Variants in XPO4 observed in about 807,000 individuals in gnomAD.
The protein encoded by XPO4 is exportin 4.
In XPO4, 39 loss-of-function variants were observed where a neutral mutation model predicts 143.0. That is an observed-to-expected ratio of 0.27 (90% CI 0.21 to 0.36). The LOEUF (loss-of-function observed/expected upper bound fraction) is 0.36, where lower values mean the gene tolerates loss of function less well. XPO4 is among the 10% of genes least tolerant of loss of function. The pLI, the probability that XPO4 is intolerant of heterozygous loss-of-function variation, is 1.00. For synonymous variants in XPO4, 439 were observed against 474.0 expected (o/e 0.93, Z 0.96); for missense variants, 907 against 1,348.0 (o/e 0.67, Z 5.12).
chr13:20,785,922 A>C (rs9579952), intron 22 of XPO4, among the ~76,000 whole-genome samples: 1 of 134,844 alleles, frequency 7.4e-6, no homozygotes, highest in Non-Finnish European at 1.6e-5. Context: ...AGGAAGGAAG[A>C]AAGGAAAGAA....
At chr13:20,816,717 T>C (rs2059655249) in intron 9 of XPO4, among the ~76,000 whole-genome samples, 2 of 152,218 alleles carry the variant, frequency 1.3e-5, no homozygotes, top group Admixed American at 1.3e-4. Flanking sequence ...GTAAAGCAGA[T>C]TTAAACAATC....
At chr13:20,817,577 A>G (rs2059665636) in intron 9 of XPO4, among the ~76,000 whole-genome samples, 1 of 152,156 alleles carries the variant, frequency 6.6e-6, no homozygotes. Context: ...AAATACCTCA[A>G]TGCTATGAAG....
chr13:20,796,975 T>A lies in XPO4; in HGVS notation c.2405A>T (p.Lys802Met), dbSNP rs2059366511. 6.2e-7 allele frequency: 1 copy of A among 1,613,598 alleles called. No individual in the cohort carries two copies. Among genetic ancestry groups the A allele is most frequent in the African/African-American group, 1.3e-5 (1 of 74,922 alleles). Reference sequence around the variant, plus strand: ...CTCTAGTGTGGCAGTGATTTCCTGCTTGACTTCCTCTTGCTGACACATCTG... The same window carrying A: ...CTCTAGTGTGGCAGTGATTTCCTGCATGACTTCCTCTTGCTGACACATCTG... ...FQQMCQQEEV[K>M]QEITATLEAL... Residue 802 changes from lysine (K) to methionine (M), a missense_variant, in exon 17 of 23, where the codon AAG becomes ATG. Lys to Met is a moderately conservative substitution (Grantham distance 95, BLOSUM62 -1). Coordinates refer to ENST00000255305, the MANE Select transcript of XPO4 (RefSeq NM_022459.5).
At chr13:20,818,093 A>C (rs1245761369) in intron 9 of XPO4, among the ~76,000 whole-genome samples, 2 of 152,168 alleles carry the variant, frequency 1.3e-5, no homozygotes, top group Non-Finnish European at 2.9e-5. Context: ...GCAGGATTTT[A>C]ATCTTTAAGG....
intron 7 of XPO4, among the ~76,000 whole-genome samples, chr13:20,824,348 T>C (rs1240727046): frequency 1.3e-5 from 2 of 152,230 alleles, no homozygotes; most frequent in African/African-American, 2.4e-5. Flanking sequence ...TCCAGGGATA[T>C]ATTCTGTCAA....
intron 3 of XPO4, among the ~76,000 whole-genome samples, chr13:20,856,648 T>C (rs551948494): frequency 1.3e-5 from 2 of 152,288 alleles, no homozygotes; most frequent in Admixed American, 1.3e-4. Context: ...CAAATAATTA[T>C]TAGTCGTTCT....
At chr13:20,815,150 C>T (rs2059633122) in intron 9 of XPO4, among the ~76,000 whole-genome samples, 1 of 152,002 alleles carries the variant, frequency 6.6e-6, no homozygotes, top group African/African-American at 2.4e-5. Context: ...TCAGTGGTTG[C>T]CAGAGGTTGT....
chr13:20,869,358 A>G (rs1030025431), intron 1 of XPO4: 1 of 235,764 alleles, frequency 4.2e-6, no homozygotes, highest in African/African-American at 2.3e-5. Flanking sequence ...TCGTTCTTCT[A>G]AAGATAATAA....
At chr13:20,829,406 G>A (rs2059825321) in intron 6 of XPO4, among the ~76,000 whole-genome samples, 1 of 152,036 alleles carries the variant, frequency 6.6e-6, no homozygotes, top group Non-Finnish European at 1.5e-5. Flanking sequence ...TATAAAAGGT[G>A]TCATGATTTT....
rs961976761 is a variant in XPO4 at position 20,781,410 on chromosome 13, G to A, written c.*2312C>T. 2 of 152,572 alleles carry A rather than the reference G, an allele frequency of 1.3e-5. No homozygotes were observed. The highest frequency in any genetic ancestry group is 4.8e-5 in the African/African-American group (2 of 41,420). The allele number at this position is 152,572 out of a possible 1,614,324, so 9.5% of individuals were successfully genotyped here. On this transcript the variant is annotated 3_prime_UTR_variant, in exon 23 of 23. Coordinates refer to ENST00000255305, the MANE Select transcript of XPO4 (RefSeq NM_022459.5). ...CCCCATCACCTAAAAAATGGTAGTG[G>A]CTTCTCCCCACCCCAGTGAGCTAAT...
At chr13:20,846,745 T>C (rs2060033205) in intron 4 of XPO4, among the ~76,000 whole-genome samples, 1 of 152,200 alleles carries the variant, frequency 6.6e-6, no homozygotes, top group Non-Finnish European at 1.5e-5. Flanking sequence ...GTAACATTTA[T>C]AGCTTTCCAA....
intron 19 of XPO4, among the ~76,000 whole-genome samples, chr13:20,789,570 G>T (rs866968710): frequency 0.035 from 5,179 of 148,216 alleles, 326 homozygotes; most frequent in African/African-American, 0.12. Flanking sequence ...TTTTTTTTGT[G>T]TGTGTGTGTG....
intron 13 of XPO4, among the ~76,000 whole-genome samples, chr13:20,801,253 A>G (rs2059428834): frequency 6.6e-6 from 1 of 152,234 alleles, no homozygotes; most frequent in African/African-American, 2.4e-5. Context: ...TGTGAATATC[A>G]GCATTACTAG....
chr13:20,850,045 G>T (rs2060067289), intron 4 of XPO4: 1 of 879,116 alleles, frequency 1.1e-6, no homozygotes, highest in African/African-American at 1.8e-5. Flanking sequence ...GGCGGAGGTT[G>T]TAGTGAGCTG....
intron 16 of XPO4, among the ~76,000 whole-genome samples, chr13:20,798,733 TG>T (rs1415829737): frequency 1.5e-4 from 23 of 152,100 alleles, no homozygotes; most frequent in African/African-American, 5.3e-4. Context: ...AAGCTATGAC[TG>T]GGCCGGGCAC....
chr13:20,786,944 G>GA, intron 22 of XPO4, 21 bp downstream of exon 22: 1 of 1,539,008 alleles, frequency 6.5e-7, no homozygotes, highest in South Asian at 1.2e-5. Context: ...AGAGTCCCCT[G>GA]AAAAGAGGCA....
At chr13:20,862,544 T>C (rs975455715) in intron 3 of XPO4, among the ~76,000 whole-genome samples, 173 bp downstream of exon 3, 2 of 152,068 alleles carry the variant, frequency 1.3e-5, no homozygotes, top group African/African-American at 4.8e-5. Context: ...CCCAGACTGA[T>C]CTCAAACTCC....
At chr13:20,813,455 T>C (rs1309957628) in intron 9 of XPO4, among the ~76,000 whole-genome samples, 1 of 152,202 alleles carries the variant, frequency 6.6e-6, no homozygotes, top group Non-Finnish European at 1.5e-5. Context: ...ATGCTCAATG[T>C]TACTGGTACT....
chr13:20,887,026 C>A (rs1004705195), intron 1 of XPO4, among the ~76,000 whole-genome samples: 1 of 151,768 alleles, frequency 6.6e-6, no homozygotes, highest in African/African-American at 2.4e-5. Flanking sequence ...GCCAAGATTG[C>A]ACCATTGCAC....
Sources: allele counts gnomAD v4.1 joint callset (sites outside exome capture counted in the v4.1 genomes callset), GRCh38; gene constraint gnomAD v4.1.1; transcripts MANE v1.5; gene names NCBI Gene and HGNC (gene_info 2026-07-23, HGNC 2026-07-21).